Variants in TMEM45A observed in about 807,000 individuals in gnomAD.
TMEM45A encodes the protein transmembrane protein 45A.
Under a neutral mutation model 32.0 loss-of-function variants are expected in TMEM45A, and 25 were observed. The observed-to-expected ratio is 0.78, with a 90% CI of 0.57 to 1.09. TMEM45A has a LOEUF of 1.09. TMEM45A is among the 50% of genes least tolerant of loss of function. TMEM45A has a pLI of 0.00. For missense variants in TMEM45A, 302 were observed against 325.0 expected (o/e 0.93, Z 0.54); for synonymous variants, 122 against 114.8 (o/e 1.06, Z -0.40).
intron 1 of TMEM45A, among the ~76,000 whole-genome samples, chr3:100,552,349 A>G (rs1171233106): frequency 6.6e-6 from 1 of 152,182 alleles, no homozygotes; most frequent in Non-Finnish European, 1.5e-5. Context: ...TAATCATGCA[A>G]AGAAGTCACT....
chr3:100,576,405 G>T (rs1421074731), intron 5 of TMEM45A, among the ~76,000 whole-genome samples: 1 of 152,096 alleles, frequency 6.6e-6, no homozygotes, highest in Non-Finnish European at 1.5e-5. Context: ...AGCTGAGATT[G>T]TGCCACTGCA....
At chr3:100,529,812 T>A (rs1705612819) in intron 1 of TMEM45A, among the ~76,000 whole-genome samples, 1 of 152,086 alleles carries the variant, frequency 6.6e-6, no homozygotes, top group South Asian at 2.1e-4. Context: ...CATATGGGGT[T>A]TCATTATGTT....
chr3:100,565,194 G>A (rs1706406483), intron 4 of TMEM45A, among the ~76,000 whole-genome samples: 1 of 152,182 alleles, frequency 6.6e-6, no homozygotes, highest in African/African-American at 2.4e-5. Flanking sequence ...TCTTCTTCTT[G>A]AGGTTGTTTC....
intron 2 of TMEM45A, 120 bp from the exon 3 acceptor site, chr3:100,556,640 G>A: frequency 1.0e-6 from 1 of 983,314 alleles, no homozygotes; most frequent in Non-Finnish European, 1.5e-6. Context: ...ACAGCTCAGA[G>A]AGAAGAATTA....
intron 1 of TMEM45A, among the ~76,000 whole-genome samples, chr3:100,528,809 G>T (rs1367225565): frequency 6.6e-6 from 1 of 151,938 alleles, no homozygotes. Context: ...TCTGATTGTA[G>T]AATCAATGAA....
Position 100,576,987 on chromosome 3 carries a change from A to G in TMEM45A, c.797A>G (p.Glu266Gly). Residue 266 changes from glutamate to glycine, a missense_variant, in exon 6 of 6, where the codon GAA becomes GGA. Transcript: ENST00000323523. ...GAAGTTGGACTTCTGAAAAATGCTG[A>G]ACGAGAACAAGAATCAGAAGAAGAA... ...SSEVGLLKNA[E>G]REQESEEEM is the part of the protein sequence containing the mutation. 6.2e-7 allele frequency: 1 copy of G among 1,613,586 alleles called. No homozygotes were observed. The highest frequency in any genetic ancestry group is 8.5e-7 in the Non-Finnish European group (1 of 1,179,916).
chr3:100,558,449 A>G lies in TMEM45A; in HGVS notation c.448A>G (p.Ile150Val), dbSNP rs1298258837. 2 of 1,613,998 alleles carry G rather than the reference A, an allele frequency of 1.2e-6. No homozygotes were observed. The highest frequency in any genetic ancestry group is 2.2e-5 in the East Asian group (1 of 44,882). Residue 150 changes from isoleucine to valine, a missense_variant, in exon 4 of 6, where the codon ATC becomes GTC. Physicochemically the swap from Ile to Val is conservative, Grantham distance 29. Coordinates refer to ENST00000323523, the MANE Select transcript of TMEM45A (RefSeq NM_018004.3). ...NHTHGREMLD[I>V]FVHQLLVLVV... Reference sequence around the variant, plus strand: ...CACTCATGGCCGGGAAATGCTGGACATCTTTGTGCACCAGCTGCTGGTTTT... The same window carrying G: ...CACTCATGGCCGGGAAATGCTGGACGTCTTTGTGCACCAGCTGCTGGTTTT...
intron 1 of TMEM45A, among the ~76,000 whole-genome samples, chr3:100,538,463 T>C (rs1705786581): frequency 6.6e-6 from 1 of 152,232 alleles, no homozygotes; most frequent in African/African-American, 2.4e-5. Context: ...CATACTTTAG[T>C]GGTGAGAAAC....
At position 100,558,469 on chromosome 3, in the gene TMEM45A, G is replaced by A; in HGVS notation, c.468G>A (p.Leu156=). The A allele has an allele frequency of 6.2e-7, 1 of 1,614,084 alleles. No homozygotes were observed. The highest frequency in any genetic ancestry group is 8.5e-7 in the Non-Finnish European group (1 of 1,180,006). Residue 156 remains leucine, a synonymous_variant, in exon 4 of 6, where the codon CTG becomes CTA. Transcript: ENST00000323523. The part of the protein sequence containing the change: ...EMLDIFVHQL[L]VLVVFLTGLV... ...TGGACATCTTTGTGCACCAGCTGCT[G>A]GTTTTGGTCGTCTTTCTGACAGGCC...
intron 4 of TMEM45A, among the ~76,000 whole-genome samples, chr3:100,559,127 G>A (rs1010103530): frequency 6.6e-6 from 1 of 152,174 alleles, no homozygotes; most frequent in Admixed American, 6.5e-5. Context: ...ACCCGAGGCC[G>A]CAGGCTTTTT....
chr3:100,549,767 G>C (rs559961091), intron 1 of TMEM45A, among the ~76,000 whole-genome samples: 1 of 151,986 alleles, frequency 6.6e-6, no homozygotes, highest in South Asian at 2.1e-4. Context: ...CCCTTCCTGT[G>C]TCCATGTGAT....
chr3:100,521,334 A>G (rs548334846), intron 1 of TMEM45A, among the ~76,000 whole-genome samples: 11 of 151,780 alleles, frequency 7.2e-5, no homozygotes, highest in Admixed American at 2.0e-4. Context: ...GGCTCACCGC[A>G]ACCTCTGCCT....
chr3:100,511,194 A>C (rs1199122882), intron 1 of TMEM45A, among the ~76,000 whole-genome samples: 6 of 151,168 alleles, frequency 4.0e-5, no homozygotes, highest in African/African-American at 9.7e-5. Flanking sequence ...AGTTGAAATG[A>C]AGGAAAAAAT....
intron 1 of TMEM45A, among the ~76,000 whole-genome samples, chr3:100,542,032 T>C (rs757708911): frequency 1.8e-4 from 28 of 152,240 alleles, no homozygotes; most frequent in Non-Finnish European, 4.1e-4. Context: ...TACTAGCATA[T>C]GCTGTTTTGG....
intron 1 of TMEM45A, among the ~76,000 whole-genome samples, chr3:100,500,994 C>T (rs1708001262): frequency 6.6e-6 from 1 of 152,110 alleles, no homozygotes; most frequent in Non-Finnish European, 1.5e-5. Flanking sequence ...GTAAACTGTA[C>T]TACTTGTAAA....
Position 100,576,828 on chromosome 3 carries a change from C to T in TMEM45A, c.735-97C>T, listed in dbSNP as rs1392732704. The T allele has an allele frequency of 1.4e-5, 14 of 969,830 alleles. No homozygotes were observed. In the East Asian group the frequency reaches 2.4e-4, roughly 17 times the overall value. The allele number at this position is 969,830 out of a possible 1,614,324, so 60.1% of individuals were successfully genotyped here. A position where few individuals can be genotyped will look rare whatever the true frequency, so the allele number is the denominator to read the frequency against. ...CTTTTTGGGTTGCCTTCCCCAGTTG[C>T]CCAAATAATCTAGACTTTGTGGTAT... On this transcript the variant is annotated intron_variant, in intron 5 of 5. Transcript: ENST00000323523.
chr3:100,519,393 G>T, intron 1 of TMEM45A: 2 of 617,806 alleles, frequency 3.2e-6, no homozygotes, highest in Non-Finnish European at 5.8e-6. Context: ...GTGCATGTGT[G>T]TGTGTGTGTG....
chr3:100,539,499 A>T (rs1350533320), intron 1 of TMEM45A, among the ~76,000 whole-genome samples: 1 of 147,542 alleles, frequency 6.8e-6, no homozygotes, highest in Non-Finnish European at 1.5e-5. Context: ...ATGTATACGT[A>T]TACGTATACG....
At chr3:100,557,741 G>A (rs1049016465) in intron 3 of TMEM45A, among the ~76,000 whole-genome samples, 1 of 152,030 alleles carries the variant, frequency 6.6e-6, no homozygotes, top group African/African-American at 2.4e-5. Context: ...CTAATAGCCC[G>A]GTTCTCATTA....
Sources: allele counts gnomAD v4.1 joint callset (sites outside exome capture counted in the v4.1 genomes callset), GRCh38; gene constraint gnomAD v4.1.1; transcripts MANE v1.5; gene names NCBI Gene and HGNC (gene_info 2026-07-23, HGNC 2026-07-21).